Variants in CSMD3 observed in about 807,000 individuals in gnomAD.
CSMD3 encodes the protein CUB and Sushi multiple domains 3.
Under a neutral mutation model 435.2 loss-of-function variants are expected in CSMD3, and 177 were observed. The observed-to-expected ratio is 0.41, with a 90% CI of 0.36 to 0.46. CSMD3 has a LOEUF of 0.46. Among genes scored for constraint, CSMD3 ranks in the 20% least tolerant of loss-of-function variants. The probability of loss-of-function intolerance (pLI) is 0.34; values close to 1 mark genes in which losing one functional copy is unlikely to be tolerated. For synonymous variants in CSMD3, 1,656 were observed against 1,520.5 expected (o/e 1.09, Z -2.07); for missense variants, 4,265 against 4,504.6 (o/e 0.95, Z 1.52).
intron 4 of CSMD3, among the ~76,000 whole-genome samples, chr8:113,158,603 C>A (rs1015054867): frequency 5.9e-5 from 9 of 151,984 alleles, no homozygotes; most frequent in Admixed American, 4.6e-4. Flanking sequence ...AATGCCTATC[C>A]CTGAATATAA....
At position 112,406,647 on chromosome 8, in the gene CSMD3, C is replaced by T; in HGVS notation, c.5686G>A (p.Val1896Ile). 6.2e-7 allele frequency: 1 copy of T among 1,612,688 alleles called. No homozygotes were observed. The highest frequency in any genetic ancestry group is 8.5e-7 in the Non-Finnish European group (1 of 1,178,936). The stretch of plus-strand genomic sequence containing the variant: ...CAATCAAAAAGAACCGATGAACCGA[C>T]TGCAAATTCATTGCCAATTCTTCTT... ...FGRRIGNEFA[V>I]GSSVLFDCNP... The change falls in exon 35 of 71, where the codon GTC becomes ATC. Residue 1896 changes from valine to isoleucine, a missense_variant. By Grantham distance (29) the Val-to-Ile change is conservative (BLOSUM62 3). Transcript: ENST00000297405.
chr8:112,709,255 G>A (rs1478609594), intron 13 of CSMD3, among the ~76,000 whole-genome samples: 2 of 152,036 alleles, frequency 1.3e-5, no homozygotes, highest in Non-Finnish European at 2.9e-5. Context: ...AAAAGTAAAT[G>A]TTGGCCCCAA....
intron 3 of CSMD3, among the ~76,000 whole-genome samples, chr8:113,255,440 G>A (rs546618492): frequency 3.3e-5 from 5 of 151,952 alleles, no homozygotes; most frequent in African/African-American, 1.2e-4. Context: ...ACAACTATGA[G>A]GAGTTAAAAA....
intron 4 of CSMD3, among the ~76,000 whole-genome samples, chr8:113,139,149 A>C (rs1228305023): frequency 6.6e-6 from 1 of 151,046 alleles, no homozygotes; most frequent in Non-Finnish European, 1.5e-5. Context: ...ACAACATAAA[A>C]AAGACTTGTC....
intron 4 of CSMD3, among the ~76,000 whole-genome samples, chr8:113,138,908 TTTAA>T (rs2091482766): frequency 6.6e-6 from 1 of 151,112 alleles, no homozygotes; most frequent in Non-Finnish European, 1.5e-5. Flanking sequence ...CTAAAGGAAA[TTTAA>T]TTATTATATA....
intron 1 of CSMD3, among the ~76,000 whole-genome samples, chr8:113,421,452 A>G (rs559206996): frequency 6.6e-6 from 1 of 152,352 alleles, no homozygotes; most frequent in South Asian, 2.1e-4. Flanking sequence ...CACAGATTTT[A>G]TAAATTAGAA....
chr8:112,804,816 C>T (rs1039828079), intron 12 of CSMD3, among the ~76,000 whole-genome samples: 1 of 151,968 alleles, frequency 6.6e-6, no homozygotes, highest in Non-Finnish European at 1.5e-5. Flanking sequence ...AGGTGTGCAC[C>T]ACCACACCCA....
intron 6 of CSMD3, among the ~76,000 whole-genome samples, chr8:113,002,745 T>C (rs1184353345): frequency 6.6e-6 from 1 of 152,108 alleles, no homozygotes; most frequent in East Asian, 1.9e-4. Flanking sequence ...TTGACATTTG[T>C]TATAAAGAGA....
chr8:112,638,261 T>C (rs1173939222), intron 21 of CSMD3, among the ~76,000 whole-genome samples: 1 of 149,702 alleles, frequency 6.7e-6, no homozygotes, highest in Admixed American at 6.7e-5. Context: ...GCCTGTTGAC[T>C]ATGCCTTCTA....
intron 3 of CSMD3, among the ~76,000 whole-genome samples, chr8:113,248,270 G>A (rs922809403): frequency 7.3e-5 from 11 of 151,238 alleles, no homozygotes; most frequent in Admixed American, 4.0e-4. Flanking sequence ...CCTATCTTAC[G>A]TGTACCATTT....
chr8:112,993,048 G>A (rs1311736285), intron 6 of CSMD3, among the ~76,000 whole-genome samples: 1 of 151,750 alleles, frequency 6.6e-6, no homozygotes, highest in Non-Finnish European at 1.5e-5. Flanking sequence ...TCAGACCAGA[G>A]GTTCCACATT....
intron 1 of CSMD3, among the ~76,000 whole-genome samples, chr8:113,423,461 T>A (rs1375938177): frequency 6.6e-6 from 1 of 152,138 alleles, no homozygotes; most frequent in East Asian, 1.9e-4. Flanking sequence ...ATATGTAAAT[T>A]GTCAGTGATA....
At chr8:112,545,501 A>AAT (rs1554609898) in intron 27 of CSMD3, among the ~76,000 whole-genome samples, 39 of 122,676 alleles carry the variant, frequency 3.2e-4, no homozygotes, top group African/African-American at 5.6e-4. Context: ...AAAAAAAAAA[A>AAT]AATAATAATA....
intron 10 of CSMD3, among the ~76,000 whole-genome samples, chr8:112,875,020 C>T (rs2081240754): frequency 6.6e-6 from 1 of 152,136 alleles, no homozygotes; most frequent in Non-Finnish European, 1.5e-5. Context: ...TGTCGATGGA[C>T]TTCACAGTTT....
chr8:112,238,241 C>A (rs972534927), intron 66 of CSMD3, among the ~76,000 whole-genome samples: 1 of 151,722 alleles, frequency 6.6e-6, no homozygotes, highest in African/African-American at 2.4e-5. Context: ...GGATGAATGA[C>A]TGAATGAAGT....
chr8:112,471,231 C>T (rs1054430234), intron 32 of CSMD3, among the ~76,000 whole-genome samples: 4 of 151,974 alleles, frequency 2.6e-5, no homozygotes, highest in East Asian at 1.9e-4. Context: ...TAATGGCTTC[C>T]GAAGAGGACT....
At chr8:112,482,304 G>C (rs945635107) in intron 31 of CSMD3, among the ~76,000 whole-genome samples, 2 of 152,144 alleles carry the variant, frequency 1.3e-5, no homozygotes, top group Non-Finnish European at 1.5e-5. Context: ...TCTACTACTA[G>C]TAATAGTTTT....
At chr8:113,427,700 A>G (rs945860304) in intron 1 of CSMD3, among the ~76,000 whole-genome samples, 5 of 151,642 alleles carry the variant, frequency 3.3e-5, no homozygotes, top group African/African-American at 4.8e-5. Flanking sequence ...TTGGATATGC[A>G]TATTTTAATT....
chr8:112,306,607 G>A (rs1292259127), intron 50 of CSMD3, among the ~76,000 whole-genome samples: 1 of 151,994 alleles, frequency 6.6e-6, no homozygotes, highest in Non-Finnish European at 1.5e-5. Flanking sequence ...TAAAGAGAGT[G>A]GCAACCAATA....
Sources: allele counts gnomAD v4.1 joint callset (sites outside exome capture counted in the v4.1 genomes callset), GRCh38; gene constraint gnomAD v4.1.1; transcripts MANE v1.5; gene names NCBI Gene and HGNC (gene_info 2026-07-23, HGNC 2026-07-21).